Variants in CEP97 observed in about 807,000 individuals in gnomAD.
CEP97 encodes the protein centrosomal protein of 97 kDa.
In CEP97, 43 loss-of-function variants were observed where a neutral mutation model predicts 73.1. The observed-to-expected ratio is 0.59, with a 90% confidence interval of 0.46 to 0.76. The LOEUF is 0.76. Among genes scored for constraint, CEP97 ranks in the 30% least tolerant of loss-of-function variants. CEP97 has a pLI of 0.00. For missense variants in CEP97, 939 were observed against 1,014.0 expected, an observed-to-expected ratio of 0.93 and a Z score of 1.00; for synonymous variants, 337 against 370.0, an observed-to-expected ratio of 0.91 and a Z score of 1.02.
At chr3:101,745,615 G>T (rs1303301271) in intron 6 of CEP97, among the ~76,000 whole-genome samples, 1 of 151,200 alleles carries the variant, frequency 6.6e-6, no homozygotes, top group Non-Finnish European at 1.5e-5. Flanking sequence ...TACAAAGTTA[G>T]AATAACATAA....
At chr3:101,729,567 C>A (rs1400625256) in intron 4 of CEP97, among the ~76,000 whole-genome samples, 4 of 151,824 alleles carry the variant, frequency 2.6e-5, no homozygotes, top group Non-Finnish European at 4.4e-5. Context: ...ATTAATCATT[C>A]CTGAATTTGA....
At chr3:101,734,607 T>C (rs1301570712) in intron 6 of CEP97, among the ~76,000 whole-genome samples, 1 of 152,190 alleles carries the variant, frequency 6.6e-6, no homozygotes, top group Non-Finnish European at 1.5e-5. Context: ...GTGGTGGTGC[T>C]GGTGTAGGGT....
intron 6 of CEP97, among the ~76,000 whole-genome samples, chr3:101,751,358 G>A (rs376035393): frequency 6.6e-6 from 1 of 152,198 alleles, no homozygotes; most frequent in South Asian, 2.1e-4. Context: ...TGGAATAGGT[G>A]TGGTGTGGTG....
chr3:101,761,026 T>C (rs1251324252), intron 9 of CEP97, among the ~76,000 whole-genome samples: 1 of 151,660 alleles, frequency 6.6e-6, no homozygotes, highest in Non-Finnish European at 1.5e-5. Flanking sequence ...CATGCCCAGC[T>C]AATTTTTTTT....
intron 6 of CEP97, among the ~76,000 whole-genome samples, chr3:101,742,769 T>C (rs1004052001): frequency 2.0e-4 from 30 of 148,238 alleles, no homozygotes; most frequent in African/African-American, 7.2e-4. Flanking sequence ...AAGGAAGAGA[T>C]GGGAGGGTAG....
At chr3:101,748,788 A>G (rs1205400372) in intron 6 of CEP97, among the ~76,000 whole-genome samples, 1 of 151,984 alleles carries the variant, frequency 6.6e-6, no homozygotes, top group Non-Finnish European at 1.5e-5. Flanking sequence ...CTACAGGTGC[A>G]TGCCACCACG....
chr3:101,746,507 C>T (rs1375158876), intron 6 of CEP97, among the ~76,000 whole-genome samples: 26 of 150,402 alleles, frequency 1.7e-4, no homozygotes, highest in Non-Finnish European at 2.7e-4. Context: ...CCCTTCCTTA[C>T]ACCTTATACA....
intron 5 of CEP97, 125 bp from the exon 6 acceptor site, chr3:101,732,363 T>A: frequency 7.5e-6 from 5 of 670,646 alleles, no homozygotes; most frequent in Non-Finnish European, 1.3e-5. Context: ...TGGACACTTG[T>A]CACTTTTCAG....
At chr3:101,733,048 A>G (rs1938163088) in intron 6 of CEP97, among the ~76,000 whole-genome samples, 1 of 151,996 alleles carries the variant, frequency 6.6e-6, no homozygotes, top group Non-Finnish European at 1.5e-5. Flanking sequence ...GCTTGAGCCC[A>G]GGAATTTAAG....
At chr3:101,745,342 C>T (rs1476683051) in intron 6 of CEP97, among the ~76,000 whole-genome samples, 1 of 152,144 alleles carries the variant, frequency 6.6e-6, no homozygotes, top group African/African-American at 2.4e-5. Context: ...CTTACTGCAG[C>T]CTCAACCTCC....
At chr3:101,753,513 C>G (rs993305366) in intron 6 of CEP97, among the ~76,000 whole-genome samples, 3 of 152,330 alleles carry the variant, frequency 2.0e-5, no homozygotes, top group South Asian at 2.1e-4. Context: ...AGAGGTGGAG[C>G]CTACAGAGGC....
At chr3:101,729,163 G>A (rs1938009458) in intron 4 of CEP97, among the ~76,000 whole-genome samples, 1 of 152,034 alleles carries the variant, frequency 6.6e-6, no homozygotes, top group South Asian at 2.1e-4. Context: ...GGGCAACATG[G>A]CAAAGCCCCA....
chr3:101,737,685 A>G (rs1057288957), intron 6 of CEP97, among the ~76,000 whole-genome samples: 5 of 152,232 alleles, frequency 3.3e-5, no homozygotes, highest in African/African-American at 1.2e-4. Context: ...GAACCACTGA[A>G]GGAAGCACTA....
At chr3:101,735,811 A>G (rs1560010444) in intron 6 of CEP97, among the ~76,000 whole-genome samples, 1 of 152,042 alleles carries the variant, frequency 6.6e-6, no homozygotes, top group Admixed American at 6.5e-5. Context: ...AGTTTTTTTC[A>G]TATCCCAGTG....
intron 4 of CEP97, 117 bp from the exon 5 acceptor site, chr3:101,731,723 G>A (rs1009296037): frequency 9.5e-6 from 6 of 629,006 alleles, no homozygotes; most frequent in African/African-American, 9.4e-5. Flanking sequence ...TGTGTGTGAT[G>A]AGAAATATAA....
chr3:101,764,402 A>G (rs1481428992), intron 10 of CEP97, among the ~76,000 whole-genome samples: 1 of 152,184 alleles, frequency 6.6e-6, no homozygotes, highest in African/African-American at 2.4e-5. Flanking sequence ...ACCTGACGTC[A>G]GGAGTTTGAG....
intron 4 of CEP97, among the ~76,000 whole-genome samples, chr3:101,730,989 A>G (rs1303482469): frequency 6.7e-6 from 1 of 149,464 alleles, no homozygotes; most frequent in Non-Finnish European, 1.5e-5. Flanking sequence ...ATAGAAGCCT[A>G]TTTATCTGAT....
At chr3:101,763,160 G>T in intron 10 of CEP97, 4 of 1,258,156 alleles carry the variant, frequency 3.2e-6, no homozygotes, top group Non-Finnish European at 4.1e-6. Flanking sequence ...CTGGGCTCAA[G>T]CAGTCTTCCC....
intron 6 of CEP97, among the ~76,000 whole-genome samples, chr3:101,748,485 T>TAAGA (rs1227816709): frequency 6.6e-6 from 1 of 152,176 alleles, no homozygotes; most frequent in South Asian, 2.1e-4. Flanking sequence ...TGCTGAGAAA[T>TAAGA]ATTAAAGTTG....
Sources: allele counts gnomAD v4.1 joint callset (sites outside exome capture counted in the v4.1 genomes callset), GRCh38; gene constraint gnomAD v4.1.1; transcripts MANE v1.5; gene names NCBI Gene and HGNC (gene_info 2026-07-23, HGNC 2026-07-21).